ZNF550: variants seen among roughly 807,000 people sequenced by gnomAD.
ZNF550 encodes zinc finger protein 550.
A neutral mutation model predicts 40.2 loss-of-function variants in ZNF550; 42 were observed. That is an observed-to-expected ratio of 1.05 (90% confidence interval 0.82 to 1.35). The LOEUF is 1.35. Ranked by LOEUF, ZNF550 falls within the 40% of genes most tolerant of loss-of-function variation. The pLI, the probability that ZNF550 is intolerant of heterozygous loss-of-function variation, is 0.00. For missense variants in ZNF550, 549 were observed against 525.2 expected, an observed-to-expected ratio of 1.05 and a Z score of -0.44; for synonymous variants, 223 against 198.6, an observed-to-expected ratio of 1.12 and a Z score of -1.03.
At chr19:57,559,578 T>G in intron 1 of ZNF550, 78 bp downstream of exon 1, 1 of 1,386,814 alleles carries the variant, frequency 7.2e-7, no homozygotes, top group Non-Finnish European at 9.6e-7. Flanking sequence ...AGGACGACCC[T>G]GAAACGCCGT....
At chr19:57,546,686 T>G (rs985326104) in exon 4 of ZNF550, 7 of 1,170,026 alleles carry the variant, frequency 6.0e-6, no homozygotes, top group Non-Finnish European at 7.4e-6. Context: ...GCATGAGTTC[T>G]CTGATGTTGA....
chr19:57,555,836 T>C (rs1373273010), intron 2 of ZNF550: 5 of 238,338 alleles, frequency 2.1e-5, no homozygotes, highest in African/African-American at 6.9e-5. Context: ...TTTACAGAGA[T>C]TGTATTGCTT....
In ZNF550 at chr19:57,547,202, A is replaced by G. The variant is rs532893630; in HGVS notation, c.1042T>C (p.Cys348Arg). The change falls in exon 4 of 5, where the codon TGT becomes CGT. Residue 348 changes from cysteine to arginine, a missense_variant. Physicochemically the swap from Cys to Arg is radical, Grantham distance 180. Transcript: ENST00000457177. ...GAGCTGCATCTGAAGGCCTTTCCACATGCCATGCAATCATAGGGCTTCTCT... is the reference window on the plus strand; with the variant it reads ...GAGCTGCATCTGAAGGCCTTTCCACGTGCCATGCAATCATAGGGCTTCTCT... The G allele has an allele frequency of 4.7e-5, 76 of 1,611,770 alleles. 1 individual carries two copies. In the South Asian group the frequency reaches 8.0e-4, roughly 17 times the overall value.
chr19:57,557,859 C>T (rs2090136309), intron 1 of ZNF550, among the ~76,000 whole-genome samples: 1 of 152,140 alleles, frequency 6.6e-6, no homozygotes, highest in Non-Finnish European at 1.5e-5. Context: ...GCTCGATTTC[C>T]GAATCAACAC....
intron 3 of ZNF550, among the ~76,000 whole-genome samples, chr19:57,548,463 G>T (rs1451624529): frequency 3.3e-5 from 5 of 152,152 alleles, no homozygotes; most frequent in Non-Finnish European, 7.4e-5. Context: ...TGGCCAACAG[G>T]TATATGAAAA....
intron 1 of ZNF550, among the ~76,000 whole-genome samples, chr19:57,558,587 A>G (rs1053260105): frequency 1.3e-5 from 2 of 152,220 alleles, no homozygotes; most frequent in Non-Finnish European, 2.9e-5. Flanking sequence ...TAAATGAGTA[A>G]GGCAATGTCA....
intron 2 of ZNF550, chr19:57,555,576 A>G (rs1426180885): frequency 1.3e-5 from 2 of 154,758 alleles, no homozygotes; most frequent in African/African-American, 4.8e-5. Flanking sequence ...TGACCTCGTG[A>G]TCCACCCGCC....
intron 3 of ZNF550, among the ~76,000 whole-genome samples, chr19:57,550,944 G>C (rs1056321459): frequency 6.6e-6 from 1 of 152,130 alleles, no homozygotes; most frequent in Non-Finnish European, 1.5e-5. Flanking sequence ...GTCTGTTTTC[G>C]CCAAGTGTAA....
chr19:57,551,742 G>A (rs2090074281), intron 3 of ZNF550, among the ~76,000 whole-genome samples: 1 of 152,296 alleles, frequency 6.6e-6, no homozygotes, highest in South Asian at 2.1e-4. Context: ...AAGCCCAAGG[G>A]GAGAGCCCAT....
At chr19:57,549,999 A>C (rs1351242014) in intron 3 of ZNF550, among the ~76,000 whole-genome samples, 1 of 152,170 alleles carries the variant, frequency 6.6e-6, no homozygotes, top group African/African-American at 2.4e-5. Context: ...TAAATGAGAA[A>C]ATGCACAGTT....
At chr19:57,548,506 C>G (rs750289117) in intron 3 of ZNF550, among the ~76,000 whole-genome samples, 1 of 152,088 alleles carries the variant, frequency 6.6e-6, no homozygotes, top group Admixed American at 6.5e-5. Context: ...CAAAGAAATG[C>G]AAATCAAAAC....
upstream of ZNF550, among the ~76,000 whole-genome samples, chr19:57,560,215 G>GCCTGGTTACTGCGTCCTCCTCCAC (rs1246961438): frequency 1.3e-5 from 2 of 152,238 alleles, no homozygotes; most frequent in African/African-American, 4.8e-5. Flanking sequence ...AAAATCTTAC[G>GCCTGGTTACTGCGTCCTCCTCCAC]CCTGGTTACT....
chr19:57,550,784 A>G (rs890278641), intron 3 of ZNF550, among the ~76,000 whole-genome samples: 4 of 152,250 alleles, frequency 2.6e-5, no homozygotes, highest in African/African-American at 9.6e-5. Flanking sequence ...TTGTATACAT[A>G]AGATTTTTTT....
chr19:57,549,259 A>C (rs558379892), intron 3 of ZNF550, among the ~76,000 whole-genome samples: 1 of 152,190 alleles, frequency 6.6e-6, no homozygotes, highest in African/African-American at 2.4e-5. Flanking sequence ...TTGTATGCCT[A>C]TATTAAAATA....
At chr19:57,543,258 T>C (rs2123329318) in intron 4 of ZNF550, 1 of 904,464 alleles carries the variant, frequency 1.1e-6, no homozygotes, top group Non-Finnish European at 1.3e-6. Context: ...AATTATAAAA[T>C]TTACTGTGAA....
intron 3 of ZNF550, among the ~76,000 whole-genome samples, chr19:57,549,280 C>T (rs2123348874): frequency 6.6e-6 from 1 of 151,870 alleles, no homozygotes; most frequent in African/African-American, 2.4e-5. Context: ...TCTTATGTAC[C>T]CACATAAATT....
intron 3 of ZNF550, among the ~76,000 whole-genome samples, chr19:57,550,826 A>C (rs1357794321): frequency 2.6e-5 from 4 of 152,256 alleles, no homozygotes; most frequent in Non-Finnish European, 4.4e-5. Context: ...AAAAAATATT[A>C]AAGTCAAGTG....
At chr19:57,550,317 G>A (rs1599893581) in intron 3 of ZNF550, among the ~76,000 whole-genome samples, 1 of 152,136 alleles carries the variant, frequency 6.6e-6, no homozygotes, top group African/African-American at 2.4e-5. Flanking sequence ...GTCATCTCCT[G>A]GGTGTATATG....
chr19:57,543,449 C>T (rs370228892), intron 4 of ZNF550: 36 of 308,374 alleles, frequency 1.2e-4, no homozygotes, highest in East Asian at 1.7e-4. Context: ...TTTGCATGAC[C>T]GACTTGCCGA....
Sources: allele counts gnomAD v4.1 joint callset (sites outside exome capture counted in the v4.1 genomes callset), GRCh38; gene constraint gnomAD v4.1.1; transcripts MANE v1.5; gene names NCBI Gene and HGNC (gene_info 2026-07-23, HGNC 2026-07-21).